Variants in SLC20A2 observed in about 807,000 individuals in gnomAD.
The protein encoded by SLC20A2 is sodium-dependent phosphate transporter 2.
SLC20A2 carries 30 observed loss-of-function variants against 61.0 expected under a neutral mutation model. The observed-to-expected ratio is 0.49, with a 90% CI of 0.37 to 0.67. SLC20A2 has a LOEUF of 0.67. Among genes scored for constraint, SLC20A2 ranks in the 30% least tolerant of loss-of-function variants. SLC20A2 has a pLI of 0.00. For missense variants in SLC20A2, 626 were observed against 866.4 expected (o/e 0.72, Z 3.48); for synonymous variants, 351 against 353.3 (o/e 0.99, Z 0.07).
chr8:42,437,061 T>C lies in SLC20A2; in HGVS notation c.1451A>G (p.His484Arg), dbSNP rs1205325700. ...GACCTGCAGGAAATGGAACAGGAGG[T>C]GAACCTCGGGTGCGTCCTTCTCCTC... is the stretch of plus-strand genomic sequence containing the variant. Reference protein sequence around the residue: ...EKEEKDAPEVHLLFHFLQVLT... With the variant: ...EKEEKDAPEVRLLFHFLQVLT... Residue 484 changes from histidine to arginine, a missense_variant, in exon 8 of 11, where the codon CAC becomes CGC. By Grantham distance (29) the His-to-Arg change is conservative. Transcript: ENST00000520262. This position sits in a 1 kb window ranked among gnomAD's most constrained non-coding sequence, Gnocchi z 6.4. 6.2e-7 allele frequency: 1 copy of C among 1,613,930 alleles called. No individual in the cohort carries two copies. Among genetic ancestry groups the C allele is most frequent in the Admixed American group, 1.7e-5 (1 of 60,010 alleles).
intron 5 of SLC20A2, among the ~76,000 whole-genome samples, chr8:42,455,309 C>T (rs1806107052): frequency 2.1e-5 from 3 of 141,840 alleles, no homozygotes; most frequent in Non-Finnish European, 4.5e-5. Flanking sequence ...GCATGCACTC[C>T]AGGTTCCCAA....
chr8:42,531,787 A>G (rs1812336032), intron 1 of SLC20A2, among the ~76,000 whole-genome samples: 1 of 152,070 alleles, frequency 6.6e-6, no homozygotes, highest in African/African-American at 2.4e-5. Flanking sequence ...CTCAAAAATA[A>G]AATGAGTATT....
At chr8:42,474,490 T>C (rs1807899988) in intron 1 of SLC20A2, among the ~76,000 whole-genome samples, 1 of 152,088 alleles carries the variant, frequency 6.6e-6, no homozygotes, top group Non-Finnish European at 1.5e-5. Context: ...AAGACCACTC[T>C]AAGGGCAAAA....
chr8:42,503,450 G>T (rs1451454156), upstream of SLC20A2, among the ~76,000 whole-genome samples: 1 of 152,100 alleles, frequency 6.6e-6, no homozygotes, highest in African/African-American at 2.4e-5. Flanking sequence ...ACTAATGAAT[G>T]AACCCAGATA....
chr8:42,463,116 T>G, intron 3 of SLC20A2, 26 bp from the exon 4 acceptor site: 1 of 1,348,652 alleles, frequency 7.4e-7, no homozygotes, highest in Non-Finnish European at 1.0e-6. Flanking sequence ...AAAAATCTAA[T>G]GAATGTTAAA....
chr8:42,427,873 G>C (rs562191619), intron 10 of SLC20A2, among the ~76,000 whole-genome samples: 1 of 152,306 alleles, frequency 6.6e-6, no homozygotes, highest in East Asian at 1.9e-4. Flanking sequence ...CTGGTGCTGA[G>C]AGCTCTGCTC....
At chr8:42,499,952 A>G (rs1340678396) in intron 1 of SLC20A2, among the ~76,000 whole-genome samples, 7 of 152,228 alleles carry the variant, frequency 4.6e-5, no homozygotes, top group Admixed American at 3.9e-4. Flanking sequence ...ACACTGAAGT[A>G]TTTCCTTTCA....
intron 8 of SLC20A2, among the ~76,000 whole-genome samples, chr8:42,435,736 G>A (rs1438952473): frequency 9.2e-5 from 14 of 152,262 alleles, no homozygotes; most frequent in Admixed American, 8.5e-4. Flanking sequence ...CTGCAGGCTC[G>A]GGCGGCAGCT....
In SLC20A2 at chr8:42,417,203, T is replaced by C. The variant is rs1181305220; in HGVS notation, c.*600A>G. The C allele has an allele frequency of 2.6e-5, 4 of 152,714 alleles. No homozygotes were observed. The East Asian group carries it at 7.7e-4, about 29-fold the overall frequency. The allele number at this position is 152,714 out of a possible 1,614,324, so 9.5% of individuals were successfully genotyped here. A position where few individuals can be genotyped will look rare whatever the true frequency, so the allele number is the denominator to read the frequency against. ...TATTTACAAAAGCAATGATGATATA[T>C]TACACAACAATCAATACACAGTATA... On this transcript the variant is annotated 3_prime_UTR_variant, in exon 11 of 11. Coordinates refer to ENST00000520262, the MANE Select transcript of SLC20A2 (RefSeq NM_001257180.2).
At chr8:42,511,722 T>C (rs1210119851) in intron 1 of SLC20A2, among the ~76,000 whole-genome samples, 1 of 152,042 alleles carries the variant, frequency 6.6e-6, no homozygotes, top group Non-Finnish European at 1.5e-5. Flanking sequence ...TAGTTGCACT[T>C]GGCTATAAGA....
intron 7 of SLC20A2, among the ~76,000 whole-genome samples, chr8:42,438,079 A>AAAAAAAAAAC (rs1804476944): frequency 6.8e-6 from 1 of 147,906 alleles, no homozygotes; most frequent in African/African-American, 2.5e-5. Context: ...AAAAAAAAAA[A>AAAAAAAAAAC]AAAAAAAAAA....
intron 1 of SLC20A2, among the ~76,000 whole-genome samples, chr8:42,490,836 T>C (rs1380610064): frequency 9.2e-5 from 14 of 152,192 alleles, no homozygotes; most frequent in Non-Finnish European, 2.9e-5. Context: ...TGATTCCCTC[T>C]TCCTGTGACA....
At chr8:42,474,870 C>T (rs1807933792) in intron 1 of SLC20A2, among the ~76,000 whole-genome samples, 1 of 144,416 alleles carries the variant, frequency 6.9e-6, no homozygotes, top group Non-Finnish European at 1.5e-5. Flanking sequence ...CATGGTGTAG[C>T]AGGCAGCAAA....
intron 1 of SLC20A2, among the ~76,000 whole-genome samples, chr8:42,509,967 A>C (rs890066483): frequency 5.3e-5 from 8 of 152,218 alleles, no homozygotes; most frequent in African/African-American, 1.9e-4. Context: ...AGAAACTCTG[A>C]ATGCAATAAG....
In SLC20A2 at chr8:42,437,339, T is replaced by A; in HGVS notation, c.1173A>T (p.Ala391=). ...CGTGCACTGGCAGCCCACAAATGGC[T>A]GCGGTGTAGCAGGTGTAACTGTTGT... ...RRNNSYTCYT[A]AICGLPVHAT... is the part of the protein sequence containing the mutation. Residue 391 remains alanine (A), a synonymous_variant, in exon 8 of 11, where the codon GCA becomes GCT. Transcript: ENST00000520262. This position sits in a 1 kb window ranked among gnomAD's most constrained non-coding sequence, Gnocchi z 6.4. 2 of 1,614,176 alleles carry A rather than the reference T, an allele frequency of 1.2e-6. No individual in the cohort carries two copies. Among genetic ancestry groups the A allele is most frequent in the Non-Finnish European group, 1.7e-6 (2 of 1,180,020 alleles).
intron 1 of SLC20A2, among the ~76,000 whole-genome samples, chr8:42,475,534 C>T (rs1586149419): frequency 2.0e-5 from 3 of 151,940 alleles, no homozygotes. Flanking sequence ...CTCGGCCTCC[C>T]GAGTAGCTGG....
intron 1 of SLC20A2, among the ~76,000 whole-genome samples, chr8:42,521,514 G>C (rs1811621906): frequency 8.3e-6 from 1 of 120,368 alleles, no homozygotes; most frequent in South Asian, 3.0e-4. Context: ...TCTTGAGACA[G>C]GGTCTCCCTC....
intron 1 of SLC20A2, among the ~76,000 whole-genome samples, chr8:42,483,926 A>AT (rs1808746363): frequency 6.6e-6 from 1 of 152,212 alleles, no homozygotes; most frequent in Admixed American, 6.5e-5. Flanking sequence ...CTTTGTTTTG[A>AT]TTCTATTGGA....
At chr8:42,429,738 G>T (rs1381536481) in intron 9 of SLC20A2, among the ~76,000 whole-genome samples, 1 of 152,158 alleles carries the variant, frequency 6.6e-6, no homozygotes. Context: ...TTAAGTCTGT[G>T]CCCTCCCTGC....
Sources: allele counts gnomAD v4.1 joint callset (sites outside exome capture counted in the v4.1 genomes callset), GRCh38; gene constraint gnomAD v4.1.1; non-coding constraint Gnocchi (gnomAD v3.1); transcripts MANE v1.5; gene names NCBI Gene and HGNC (gene_info 2026-07-23, HGNC 2026-07-21).